Variants in NFYA observed in about 807,000 individuals in gnomAD.
NFYA encodes the protein nuclear transcription factor Y subunit alpha, also known as CAAT-box DNA binding protein subunit A.
NFYA carries 28 observed loss-of-function variants against 52.8 expected under a neutral mutation model. The ratio of observed to expected loss-of-function variants is 0.53; its 90% CI spans 0.39 to 0.73. The LOEUF is 0.73. Among genes scored for constraint, NFYA ranks in the 30% least tolerant of loss-of-function variants. The pLI is 0.00. For synonymous variants in NFYA, 150 were observed against 150.7 expected (o/e 1.00, Z 0.03); for missense variants, 234 against 427.0 (o/e 0.55, Z 3.98).
intron 3 of NFYA, among the ~76,000 whole-genome samples, chr6:41,082,199 C>T (rs1763929839): frequency 6.6e-6 from 1 of 152,194 alleles, no homozygotes; most frequent in African/African-American, 2.4e-5. Context: ...ACCCCTGCCA[C>T]CAATAGTGTT....
intron 5 of NFYA, among the ~76,000 whole-genome samples, chr6:41,090,001 C>T (rs1183570323): frequency 6.6e-6 from 1 of 152,116 alleles, no homozygotes; most frequent in Admixed American, 6.5e-5. Flanking sequence ...ATCCCAGCTA[C>T]TCGGGAGGCT....
rs1040545895 is a variant in NFYA, at chr6:41,101,248, C to G, written c.*3838C>G. 2.6e-5 allele frequency: 4 copies of G among 152,262 alleles called. No individual in the cohort carries two copies. The highest frequency in any genetic ancestry group is 4.4e-5 in the Non-Finnish European group (3 of 68,058). 9.4% of individuals were successfully genotyped at this position (152,262 alleles called of 1,614,324 possible). On this transcript the variant is annotated 3_prime_UTR_variant, in exon 10 of 10. Coordinates refer to ENST00000341376, the MANE Select transcript of NFYA (RefSeq NM_002505.5). ...GGGAGAGGCGGCCGTTGGGTCTAAG[C>G]CCCTGGAGGCCTCGACGGTTACAGG...
At position 41,079,234 on chromosome 6, in the gene NFYA, C is replaced by A. The variant is rs990652445; in HGVS notation, c.75+70C>A. The A allele has an allele frequency of 4.2e-6, 6 of 1,424,952 alleles. No homozygotes were observed. In the Admixed American group the frequency reaches 5.1e-5, roughly 12 times the overall value. 88.3% of individuals were successfully genotyped at this position (1,424,952 alleles called of 1,614,324 possible). A position where few individuals can be genotyped will look rare whatever the true frequency, so the allele number is the denominator to read the frequency against. ...TAACAGCACCACTCAATTGGTTGGT[C>A]TATTGCCCTGGGGAATTATTTGAAA... On this transcript the variant is annotated intron_variant, in intron 2 of 9. Transcript: ENST00000341376.
Position 41,093,100 on chromosome 6 carries a change from G to C in NFYA, c.888+15G>C. The C allele has an allele frequency of 6.2e-7, 1 of 1,611,012 alleles. No individual in the cohort carries two copies. Reference sequence around the variant, plus strand: ...AGGAGAGAAGGGTATGTATAACATTGGGAAGGATATAGGAAAGGAGAATAG... The same window carrying C: ...AGGAGAGAAGGGTATGTATAACATTCGGAAGGATATAGGAAAGGAGAATAG... On this transcript the variant is annotated intron_variant, in intron 8 of 9. Transcript: ENST00000341376.
At position 41,090,300 on chromosome 6, in the gene NFYA, C is replaced by T; in HGVS notation, c.538C>T (p.Leu180Phe). Residue 180 changes from leucine to phenylalanine, a missense_variant, in exon 6 of 10, where the codon CTC becomes TTC. Leu to Phe is a conservative substitution (Grantham distance 22, BLOSUM62 0). Coordinates refer to ENST00000341376, the MANE Select transcript of NFYA (RefSeq NM_002505.5). Reference protein sequence around the residue: ...YQPVNADGTILQQVTVPVSGM... With the variant: ...YQPVNADGTIFQQVTVPVSGM... ...ACCAGTTAATGCAGATGGCACCATT[C>T]TCCAGCAAGGTAAGTGTACCCATAA... The T allele has an allele frequency of 6.2e-7, 1 of 1,612,964 alleles. No homozygotes were observed. Among genetic ancestry groups the T allele is most frequent in the South Asian group, 1.1e-5 (1 of 91,044 alleles).
chr6:41,083,876 G>A (rs1038557437), intron 3 of NFYA, among the ~76,000 whole-genome samples, 170 bp from the exon 4 acceptor site: 3 of 152,176 alleles, frequency 2.0e-5, no homozygotes, highest in Non-Finnish European at 4.4e-5. Context: ...TTAGTAACAG[G>A]ATTCATAGAT....
chr6:41,073,255 T>G (rs1763581547), intron 1 of NFYA, among the ~76,000 whole-genome samples, 171 bp downstream of exon 1: 1 of 150,768 alleles, frequency 6.6e-6, no homozygotes, highest in South Asian at 2.1e-4. Flanking sequence ...TGCGAGCGCC[T>G]CGGGGCACTC....
At position 41,100,533 on chromosome 6, in the gene NFYA, TAGACC is replaced by T. The variant is rs1195914341; in HGVS notation, c.*3124_*3128del. Among the ~76,000 whole-genome samples the T allele has an allele frequency of 1.3e-5, 2 of 152,136 alleles. No individual in the cohort carries two copies. The highest frequency in any genetic ancestry group is 4.8e-5 in the African/African-American group (2 of 41,432). On this transcript the variant is annotated 3_prime_UTR_variant, in exon 10 of 10. Coordinates refer to ENST00000341376, the MANE Select transcript of NFYA (RefSeq NM_002505.5). ...AGGAAGCACTCAATGATGAGAGCAG[TAGACC>T]TGCCCTGGCAGATGAGAGAGGAGAA...
rs1420909872 is a variant in NFYA, at chr6:41,100,148, T to A, written c.*2738T>A. ...TTTATCTCCCCTTAATTTCTTCCCT[T>A]TTGGCCCTTCCACCCTGTTGAGGAG... On this transcript the variant is annotated 3_prime_UTR_variant, in exon 10 of 10. Transcript: ENST00000341376. 6.6e-6 allele frequency among the ~76,000 whole-genome samples: 1 copy of A among 152,114 alleles called. No individual in the cohort carries two copies. The highest frequency in any genetic ancestry group is 1.5e-5 in the Non-Finnish European group (1 of 68,018).
At chr6:41,074,301 A>G (rs923551294) in intron 1 of NFYA, among the ~76,000 whole-genome samples, 8 of 152,218 alleles carry the variant, frequency 5.3e-5, no homozygotes, top group Non-Finnish European at 1.0e-4. Context: ...TTGGCAACCA[A>G]TTATCCAGCA....
rs1764292512 is a variant in NFYA at position 41,094,494 on chromosome 6, G to T, written c.987G>T (p.Met329Ile). Residue 329 changes from methionine to isoleucine, a missense_variant, in exon 9 of 10, where the codon ATG becomes ATT. Transcript: ENST00000341376. ...FSPKEKDSPH[M>I]QDPNQADEEA... ...CAAAGGAAAAGGATAGTCCCCATAT[G>T]CAGGTAGGAAGACATATACATTTTA... 1.2e-6 allele frequency: 2 copies of T among 1,612,184 alleles called. No homozygotes were observed. The highest frequency in any genetic ancestry group is 2.2e-5 in the South Asian group (2 of 91,062).
intron 3 of NFYA, among the ~76,000 whole-genome samples, chr6:41,081,938 G>A (rs1763920845): frequency 6.6e-6 from 1 of 152,196 alleles, no homozygotes; most frequent in Admixed American, 6.5e-5. Flanking sequence ...AATTTGGCCA[G>A]TTCCTATAAA....
At chr6:41,080,431 G>A (rs1485023161) in intron 2 of NFYA, among the ~76,000 whole-genome samples, 1 of 152,096 alleles carries the variant, frequency 6.6e-6, no homozygotes, top group Non-Finnish European at 1.5e-5. Flanking sequence ...ATTTTTTATG[G>A]TAGTTTCAGG....
chr6:41,086,450 A>G (rs1764046222), intron 4 of NFYA, among the ~76,000 whole-genome samples: 1 of 152,184 alleles, frequency 6.6e-6, no homozygotes, highest in Admixed American at 6.5e-5. Flanking sequence ...CTGTTACGTA[A>G]ATAAAGCTCT....
intron 9 of NFYA, 35 bp downstream of exon 9, chr6:41,094,532 T>A (rs374462391): frequency 2.6e-6 from 4 of 1,537,982 alleles, no homozygotes; most frequent in East Asian, 2.2e-5. Flanking sequence ...CTTCTCTTTA[T>A]TACCTTGTAT....
intron 4 of NFYA, among the ~76,000 whole-genome samples, chr6:41,085,890 A>G (rs1051632610): frequency 6.6e-6 from 1 of 152,022 alleles, no homozygotes; most frequent in Non-Finnish European, 1.5e-5. Flanking sequence ...TTATTTTTCA[A>G]CTGAATTCTC....
rs551459005 is a variant in NFYA at position 41,097,300 on chromosome 6, A to G, written c.991-57A>G. On this transcript the variant is annotated intron_variant, in intron 9 of 9. Coordinates refer to ENST00000341376, the MANE Select transcript of NFYA (RefSeq NM_002505.5). ...CTTGGGGGGATAAGTAGTGAGAGCCATGAGTTCCTGTTGCTTTTGCAAAGG... is the reference window on the plus strand; with the variant it reads ...CTTGGGGGGATAAGTAGTGAGAGCCGTGAGTTCCTGTTGCTTTTGCAAAGG... 1.7e-5 allele frequency: 26 copies of G among 1,525,360 alleles called. No individual in the cohort carries two copies. The East Asian group carries it at 3.6e-4, about 21-fold the overall frequency. The allele number at this position is 1,525,360 out of a possible 1,614,324, so 94.5% of individuals were successfully genotyped here. A position where few individuals can be genotyped will look rare whatever the true frequency, so the allele number is the denominator to read the frequency against.
Position 41,102,328 on chromosome 6 carries a change from G to A in NFYA, c.*4918G>A, listed in dbSNP as rs1273837132. On this transcript the variant is annotated 3_prime_UTR_variant, in exon 10 of 10. Coordinates refer to ENST00000341376, the MANE Select transcript of NFYA (RefSeq NM_002505.5). Reference sequence around the variant, plus strand: ...ACATTCTATTGACTCATTGTTCAAAGGGGGGGCAGGAGGAGCTAATTTCCT... The same window carrying A: ...ACATTCTATTGACTCATTGTTCAAAAGGGGGGCAGGAGGAGCTAATTTCCT... Among the ~76,000 whole-genome samples, 2 of 150,968 alleles carry A rather than the reference G, an allele frequency of 1.3e-5. No homozygotes were observed. Among genetic ancestry groups the A allele is most frequent in the Non-Finnish European group, 1.5e-5 (1 of 67,772 alleles).
chr6:41,094,936 C>A (rs1204660496), intron 9 of NFYA, among the ~76,000 whole-genome samples: 1 of 152,194 alleles, frequency 6.6e-6, no homozygotes, highest in East Asian at 1.9e-4. Context: ...TTTTATTGAA[C>A]AGGTTTTATT....
Sources: allele counts gnomAD v4.1 joint callset (sites outside exome capture counted in the v4.1 genomes callset), GRCh38; gene constraint gnomAD v4.1.1; transcripts MANE v1.5; gene names NCBI Gene and HGNC (gene_info 2026-07-23, HGNC 2026-07-21).